Variants in PITPNC1 observed in about 807,000 individuals in gnomAD.
The protein encoded by PITPNC1 is cytoplasmic phosphatidylinositol transfer protein 1.
In PITPNC1, 18 loss-of-function variants were observed where a neutral mutation model predicts 44.7. The ratio of observed to expected loss-of-function variants is 0.40; its 90% confidence interval spans 0.28 to 0.60. The LOEUF (loss-of-function observed/expected upper bound fraction) is 0.60. Among genes scored for constraint, PITPNC1 ranks in the 20% least tolerant of loss-of-function variants. The pLI, the probability that PITPNC1 is intolerant of heterozygous loss-of-function variation, is 0.39. For synonymous variants in PITPNC1, 141 were observed against 149.6 expected, an observed-to-expected ratio of 0.94 and a Z score of 0.42; for missense variants, 290 against 418.4, an observed-to-expected ratio of 0.69 and a Z score of 2.68.
chr17:67,439,262 T>C (rs2038978606), intron 1 of PITPNC1, among the ~76,000 whole-genome samples: 1 of 152,210 alleles, frequency 6.6e-6, no homozygotes, highest in Non-Finnish European at 1.5e-5. Flanking sequence ...CCAAGCACTG[T>C]ATTTAGTTAA....
intron 7 of PITPNC1, among the ~76,000 whole-genome samples, chr17:67,674,688 A>AG (rs2042572138): frequency 6.6e-6 from 1 of 151,778 alleles, no homozygotes; most frequent in African/African-American, 2.4e-5. Flanking sequence ...TCATCAGAAA[A>AG]GAGGGAATGT....
chr17:67,436,922 T>G (rs956021386), intron 1 of PITPNC1, among the ~76,000 whole-genome samples: 4 of 136,638 alleles, frequency 2.9e-5, no homozygotes, highest in African/African-American at 8.3e-5. Context: ...TTTTTTTTTT[T>G]TTTTTTTTTT....
At chr17:67,396,924 G>T (rs2038228541) in intron 1 of PITPNC1, among the ~76,000 whole-genome samples, 1 of 151,992 alleles carries the variant, frequency 6.6e-6, no homozygotes. Context: ...CAAAGTGCTG[G>T]GATTACAGGT....
Position 67,694,314 on chromosome 17 carries a change from G to A in PITPNC1, c.*1426G>A, listed in dbSNP as rs755286111. ...AGAAGAAGTAATTGGGCAACTTGGAGGCCCACGCCCCAGCTAGCCTTCCTG... is the reference window on the plus strand; with the variant it reads ...AGAAGAAGTAATTGGGCAACTTGGAAGCCCACGCCCCAGCTAGCCTTCCTG... On this transcript the variant is annotated 3_prime_UTR_variant, in exon 9 of 9. Transcript: ENST00000581322. 4 of 152,260 alleles carry A rather than the reference G, an allele frequency of 2.6e-5. No homozygotes were observed. Among genetic ancestry groups the A allele is most frequent in the Non-Finnish European group, 5.9e-5 (4 of 68,092 alleles). 9.4% of individuals were successfully genotyped at this position (152,260 alleles called of 1,614,324 possible). A position where few individuals can be genotyped will look rare whatever the true frequency, so the allele number is the denominator to read the frequency against.
chr17:67,608,435 T>C (rs747718161), intron 5 of PITPNC1, among the ~76,000 whole-genome samples: 4 of 151,730 alleles, frequency 2.6e-5, no homozygotes, highest in African/African-American at 4.8e-5. Context: ...GGCTCACACA[T>C]TGCATTTAAT....
In PITPNC1 at chr17:67,597,306, C is replaced by T. The variant is rs2041472593; in HGVS notation, c.366+19049C>T. Among the ~76,000 whole-genome samples the T allele has an allele frequency of 6.6e-6, 1 of 152,172 alleles. No individual in the cohort carries two copies. Among genetic ancestry groups the T allele is most frequent in the Non-Finnish European group, 1.5e-5 (1 of 68,038 alleles). On this transcript the variant is annotated intron_variant, in intron 5 of 8. Coordinates refer to ENST00000581322, the MANE Select transcript of PITPNC1 (RefSeq NM_012417.4). This position sits in a 1 kb window ranked among gnomAD's most constrained non-coding sequence, Gnocchi z 4.0. ...TGGTGGCTCACGCCTGTAATCCCCGCACTTTGGGAGGCCAAAGTGGGTATC... is the reference window on the plus strand; with the variant it reads ...TGGTGGCTCACGCCTGTAATCCCCGTACTTTGGGAGGCCAAAGTGGGTATC...
Position 67,695,089 on chromosome 17 carries a change from A to C in PITPNC1, c.*2201A>C, listed in dbSNP as rs551062448. 1 of 152,302 alleles carries C rather than the reference A, an allele frequency of 6.6e-6. No homozygotes were observed. Among genetic ancestry groups the C allele is most frequent in the South Asian group, 2.1e-4 (1 of 4,830 alleles). The allele number at this position is 152,302 out of a possible 1,614,324, so 9.4% of individuals were successfully genotyped here. ...TATATGCTTTAGGAAGCTAAGTTCT[A>C]ATTTCCTTTTGTGAGTTTCATTTCT... On this transcript the variant is annotated 3_prime_UTR_variant, in exon 9 of 9. Transcript: ENST00000581322.
chr17:67,682,598 G>T (rs1453468714), intron 8 of PITPNC1, among the ~76,000 whole-genome samples: 1 of 152,224 alleles, frequency 6.6e-6, no homozygotes, highest in African/African-American at 2.4e-5. Flanking sequence ...AGCAGGGCAT[G>T]TGTGTTCCCA....
At chr17:67,417,305 T>C (rs1333800150) in intron 1 of PITPNC1, among the ~76,000 whole-genome samples, 1 of 151,792 alleles carries the variant, frequency 6.6e-6, no homozygotes, top group Non-Finnish European at 1.5e-5. Context: ...TTTTTTACAT[T>C]GTTTTGTAGA....
chr17:67,592,577 A>G (rs1217324736), intron 5 of PITPNC1, among the ~76,000 whole-genome samples: 1 of 152,242 alleles, frequency 6.6e-6, no homozygotes, highest in East Asian at 1.9e-4. Flanking sequence ...ATCATATCTG[A>G]TAACAAAATC....
chr17:67,478,925 C>A (rs2039667079), intron 1 of PITPNC1, among the ~76,000 whole-genome samples: 2 of 151,620 alleles, frequency 1.3e-5, no homozygotes, highest in African/African-American at 4.9e-5. Flanking sequence ...CTTTCTTCTC[C>A]AGCCTCTCTG....
At chr17:67,445,165 T>C (rs1350413481) in intron 1 of PITPNC1, among the ~76,000 whole-genome samples, 1 of 152,026 alleles carries the variant, frequency 6.6e-6, no homozygotes, top group Admixed American at 6.6e-5. Flanking sequence ...TTTCCAGGTG[T>C]GTTGACCGAC....
chr17:67,677,918 GA>G (rs60339826), intron 8 of PITPNC1, among the ~76,000 whole-genome samples: 5,908 of 142,432 alleles, frequency 0.041, 159 homozygotes, highest in Middle Eastern at 0.12. Context: ...AAAATTGAAA[GA>G]AAAAAAAAAA....
chr17:67,485,819 T>C (rs1483020712), intron 1 of PITPNC1, among the ~76,000 whole-genome samples: 1 of 152,164 alleles, frequency 6.6e-6, no homozygotes, highest in African/African-American at 2.4e-5. Flanking sequence ...GCTATCACGC[T>C]GTATGAGCCA....
chr17:67,458,165 C>T (rs1229550680), intron 1 of PITPNC1, among the ~76,000 whole-genome samples: 1 of 152,172 alleles, frequency 6.6e-6, no homozygotes, highest in African/African-American at 2.4e-5. Context: ...ATACCTACAC[C>T]ATGGTCTGAA....
chr17:67,612,723 ATGGATCAATGGG>A (rs1211837590), intron 5 of PITPNC1: 2 of 149,090 alleles, frequency 1.3e-5, no homozygotes, highest in East Asian at 3.9e-4. Flanking sequence ...GGATGGATGG[ATGGATCAATGGG>A]TGGATGTGGA....
chr17:67,658,565 C>T (rs1365188873), intron 6 of PITPNC1, among the ~76,000 whole-genome samples: 1 of 152,194 alleles, frequency 6.6e-6, no homozygotes, highest in Non-Finnish European at 1.5e-5. Flanking sequence ...CACTCACTCT[C>T]TGGTGTCTGC....
At chr17:67,580,920 A>T (rs2041222886) in intron 5 of PITPNC1, among the ~76,000 whole-genome samples, 1 of 152,154 alleles carries the variant, frequency 6.6e-6, no homozygotes. Context: ...GGTGGCACAC[A>T]CACCTGTGGT....
At chr17:67,418,137 T>G (rs1419837332) in intron 1 of PITPNC1, among the ~76,000 whole-genome samples, 1 of 152,246 alleles carries the variant, frequency 6.6e-6, no homozygotes, top group East Asian at 1.9e-4. Context: ...GATTTGGATC[T>G]TTAAGGCTCC....
Sources: allele counts gnomAD v4.1 joint callset (sites outside exome capture counted in the v4.1 genomes callset), GRCh38; gene constraint gnomAD v4.1.1; non-coding constraint Gnocchi (gnomAD v3.1); transcripts MANE v1.5; gene names NCBI Gene and HGNC (gene_info 2026-07-23, HGNC 2026-07-21).